Variants in GRK3 observed in about 807,000 individuals in gnomAD.
The protein encoded by GRK3 is adrenergic, beta, receptor kinase 2.
GRK3 carries 54 observed loss-of-function variants against 95.7 expected under a neutral mutation model. The observed-to-expected ratio is 0.56, with a 90% CI of 0.45 to 0.71. GRK3 has a LOEUF of 0.71. Among genes scored for constraint, GRK3 ranks in the 30% least tolerant of loss-of-function variants. The pLI, the probability that GRK3 is intolerant of heterozygous loss-of-function variation, is 0.00. For missense variants in GRK3, 649 were observed against 851.2 expected (o/e 0.76, Z 2.96); for synonymous variants, 281 against 290.8 (o/e 0.97, Z 0.34).
intron 4 of GRK3, 90 bp downstream of exon 4, chr22:25,661,767 G>T: frequency 1.2e-6 from 1 of 815,960 alleles, no homozygotes; most frequent in Middle Eastern, 3.3e-4. Flanking sequence ...ACAGTAGAAA[G>T]GTGTTTAAAA....
At chr22:25,690,386 A>G (rs2085156103) in intron 12 of GRK3, 103 bp downstream of exon 12, 2 of 816,372 alleles carry the variant, frequency 2.4e-6, no homozygotes, top group East Asian at 2.6e-5. Context: ...GATTTTCAAT[A>G]TGTCAGGAAG....
chr22:25,566,034 T>G (rs1931466445), intron 1 of GRK3, among the ~76,000 whole-genome samples: 1 of 152,234 alleles, frequency 6.6e-6, no homozygotes, highest in South Asian at 2.1e-4. Flanking sequence ...AGTAAAATTT[T>G]TTCTAGTTCA....
At chr22:25,666,297 T>C (rs377453866) in intron 5 of GRK3, among the ~76,000 whole-genome samples, 2 of 152,344 alleles carry the variant, frequency 1.3e-5, no homozygotes, top group East Asian at 3.8e-4. Context: ...AAATCTGTGA[T>C]CTATAAATGT....
In GRK3 at chr22:25,704,167, T is replaced by A; in HGVS notation, c.1286T>A (p.Leu429His). The A allele has an allele frequency of 6.2e-7, 1 of 1,613,818 alleles. No individual in the cohort carries two copies. Among genetic ancestry groups the A allele is most frequent in the South Asian group, 1.1e-5 (1 of 91,036 alleles). The change falls in exon 15 of 21, where the codon CTT becomes CAT. Residue 429 changes from leucine to histidine, a missense_variant. Physicochemically the swap from Leu to His is moderately conservative, Grantham distance 99 (BLOSUM62 -3). Coordinates refer to ENST00000324198, the MANE Select transcript of GRK3 (RefSeq NM_005160.4). ...CTGAAGTCCCTTTTGGAGGGCTTGC[T>A]TCAGCGAGACGTTAGCAAGCGGCTG... ...PELKSLLEGL[L>H]QRDVSKRLGC...
intron 1 of GRK3, among the ~76,000 whole-genome samples, chr22:25,581,999 A>G (rs1932115550): frequency 6.6e-6 from 1 of 152,190 alleles, no homozygotes; most frequent in African/African-American, 2.4e-5. Context: ...TAAGTGTTTC[A>G]TGGCTGGGCG....
chr22:25,721,242 C>G (rs761789949), intron 19 of GRK3, 42 bp from the exon 20 acceptor site: 1 of 1,172,320 alleles, frequency 8.5e-7, no homozygotes, highest in South Asian at 1.4e-5. Context: ...CTTAAGAAAT[C>G]ACAAAATAAT....
At chr22:25,600,277 G>T (rs2084400687) in intron 1 of GRK3, among the ~76,000 whole-genome samples, 1 of 151,836 alleles carries the variant, frequency 6.6e-6, no homozygotes, top group Non-Finnish European at 1.5e-5. Flanking sequence ...CTCCTGAGTA[G>T]CTGGGATTAC....
At chr22:25,574,119 G>A (rs976443300) in intron 1 of GRK3, among the ~76,000 whole-genome samples, 1 of 152,112 alleles carries the variant, frequency 6.6e-6, no homozygotes, top group East Asian at 1.9e-4. Flanking sequence ...ATCTTGTTTG[G>A]ATACTAATAT....
intron 1 of GRK3, among the ~76,000 whole-genome samples, chr22:25,598,822 G>A (rs796878234): frequency 4.6e-5 from 7 of 152,076 alleles, no homozygotes; most frequent in African/African-American, 1.4e-4. Context: ...TTCCTGTAGA[G>A]CTGTTGTCAT....
At chr22:25,608,606 G>A (rs1485124552) in intron 2 of GRK3, among the ~76,000 whole-genome samples, 3 of 152,240 alleles carry the variant, frequency 2.0e-5, no homozygotes, top group Non-Finnish European at 4.4e-5. Context: ...GGGCGTGTGG[G>A]TGCTCACTAG....
intron 1 of GRK3, among the ~76,000 whole-genome samples, chr22:25,603,374 T>C (rs2084422482): frequency 6.6e-6 from 1 of 152,228 alleles, no homozygotes; most frequent in African/African-American, 2.4e-5. Flanking sequence ...TAATCACTTT[T>C]GGGGTTCAGT....
chr22:25,649,217 G>T, intron 3 of GRK3: 1 of 1,290,908 alleles, frequency 7.7e-7, no homozygotes, highest in South Asian at 1.2e-5. Context: ...CATAGTACCA[G>T]CCAGGAGAAA....
intron 17 of GRK3, among the ~76,000 whole-genome samples, chr22:25,712,764 C>A (rs1312546629): frequency 6.6e-6 from 1 of 152,178 alleles, no homozygotes; most frequent in Admixed American, 6.5e-5. Flanking sequence ...GGCATATAGT[C>A]AATGCTTGAC....
In GRK3 at chr22:25,565,100, C is replaced by T; in HGVS notation, c.60C>T (p.Ser20=). 1 of 1,548,122 alleles carries T rather than the reference C, an allele frequency of 6.5e-7. No individual in the cohort carries two copies. Among genetic ancestry groups the T allele is most frequent in the Non-Finnish European group, 8.7e-7 (1 of 1,151,276 alleles). ...GTTACCTGATGGCCATGGAGAAGAG[C>T]AAGGCGACCCCGGCCGCCCGCGCCA... is the stretch of plus-strand genomic sequence containing the variant. ...DVSYLMAMEK[S]KATPAARASK... Residue 20 remains serine (S), a synonymous_variant, in exon 1 of 21, where the codon AGC becomes AGT. Coordinates refer to ENST00000324198, the MANE Select transcript of GRK3 (RefSeq NM_005160.4).
intron 6 of GRK3, among the ~76,000 whole-genome samples, chr22:25,668,945 T>C (rs1569186434): frequency 6.6e-6 from 1 of 152,234 alleles, no homozygotes; most frequent in Non-Finnish European, 1.5e-5. Flanking sequence ...GAGACAGTCA[T>C]TTCATAGCCT....
At chr22:25,567,284 A>C (rs954240028) in intron 1 of GRK3, among the ~76,000 whole-genome samples, 46 of 152,282 alleles carry the variant, frequency 3.0e-4, no homozygotes, top group African/African-American at 1.1e-3. Flanking sequence ...TTTTCTACTT[A>C]TCTTAGTGGC....
intron 2 of GRK3, among the ~76,000 whole-genome samples, chr22:25,629,175 C>T (rs771302993): frequency 4.6e-5 from 7 of 152,246 alleles, no homozygotes; most frequent in South Asian, 2.1e-4. Flanking sequence ...CCTCGGGGAG[C>T]GGACTTCCAA....
intron 13 of GRK3, among the ~76,000 whole-genome samples, chr22:25,700,838 G>T (rs949109280): frequency 6.6e-6 from 1 of 152,168 alleles, no homozygotes; most frequent in African/African-American, 2.4e-5. Flanking sequence ...ACCTGCCTCG[G>T]CCTCCCAAAG....
At chr22:25,675,305 G>C (rs2085019351) in intron 8 of GRK3, among the ~76,000 whole-genome samples, 1 of 152,196 alleles carries the variant, frequency 6.6e-6, no homozygotes, top group South Asian at 2.1e-4. Context: ...AGAGGAGGAA[G>C]CCCTGTGGAC....
Sources: allele counts gnomAD v4.1 joint callset (sites outside exome capture counted in the v4.1 genomes callset), GRCh38; gene constraint gnomAD v4.1.1; transcripts MANE v1.5; gene names NCBI Gene and HGNC (gene_info 2026-07-23, HGNC 2026-07-21).